PHLPP2: variants seen among roughly 807,000 people sequenced by gnomAD.
The protein encoded by PHLPP2 is PH domain leucine-rich repeat-containing protein phosphatase 2.
PHLPP2 carries 66 observed loss-of-function variants against 124.9 expected under a neutral mutation model. The ratio of observed to expected loss-of-function variants is 0.53; its 90% CI spans 0.43 to 0.65. The LOEUF is 0.65. PHLPP2 is among the 30% of genes least tolerant of loss of function. The pLI, the probability that PHLPP2 is intolerant of heterozygous loss-of-function variation, is 0.00. For missense variants in PHLPP2, 1,685 were observed against 1,600.4 expected (o/e 1.05, Z -0.90); for synonymous variants, 681 against 624.7 (o/e 1.09, Z -1.34).
intron 12 of PHLPP2, among the ~76,000 whole-genome samples, chr16:71,664,707 G>A (rs1194615079): frequency 3.3e-5 from 5 of 152,090 alleles, no homozygotes; most frequent in South Asian, 4.1e-4. Flanking sequence ...AGCCGAGATC[G>A]TGCCACTGCA....
chr16:71,702,292 G>A (rs2045239694), intron 3 of PHLPP2, among the ~76,000 whole-genome samples: 1 of 152,102 alleles, frequency 6.6e-6, no homozygotes, highest in Non-Finnish European at 1.5e-5. Context: ...TTTACCAGGA[G>A]CTTGAAAAAA....
intron 1 of PHLPP2, chr16:71,715,554 C>CT (rs1316767038): frequency 6.6e-6 from 1 of 152,102 alleles, no homozygotes; most frequent in African/African-American, 2.4e-5. Context: ...TGGCACACGC[C>CT]TGTAATCCTA....
At chr16:71,673,910 T>C (rs1207613259) in intron 9 of PHLPP2, among the ~76,000 whole-genome samples, 3 of 152,126 alleles carry the variant, frequency 2.0e-5, no homozygotes, top group Non-Finnish European at 4.4e-5. Flanking sequence ...AAGCTACAAT[T>C]TGAAGCTTCT....
intron 2 of PHLPP2, among the ~76,000 whole-genome samples, chr16:71,710,090 CCTT>C (rs1470687748): frequency 6.6e-6 from 1 of 152,190 alleles, no homozygotes; most frequent in Non-Finnish European, 1.5e-5. Flanking sequence ...CCCAAGCAAT[CCTT>C]CTGCCTTGGC....
In PHLPP2 at chr16:71,653,096, CTTCT is replaced by C. The variant is rs1349351910; in HGVS notation, c.2586-79_2586-76del. 149 of 743,398 alleles carry C rather than the reference CTTCT, an allele frequency of 2.0e-4. 1 individual carries two copies. The Middle Eastern group carries it at 4.6e-3, about 23-fold the overall frequency. 46.1% of individuals were successfully genotyped at this position (743,398 alleles called of 1,614,324 possible). A position where few individuals can be genotyped will look rare whatever the true frequency, so the allele number is the denominator to read the frequency against. ...AAGTGGTGGTCCTGCACGTACATCC[CTTCT>C]TTTTTTTTTTTTTTTTTTTTACCAT... On this transcript the variant is annotated intron_variant, in intron 17 of 18. Transcript: ENST00000568954.
At chr16:71,705,054 G>A (rs1167852817) in intron 2 of PHLPP2, among the ~76,000 whole-genome samples, 2 of 152,178 alleles carry the variant, frequency 1.3e-5, no homozygotes, top group Non-Finnish European at 1.5e-5. Context: ...AGCTAAACAT[G>A]AGGAAGAATT....
rs778954124 is a variant in PHLPP2, at chr16:71,664,082, G to A, written c.1802C>T (p.Ala601Val). The change falls in exon 13 of 19, where the codon GCA (alanine) becomes GTA (valine). Residue 601 changes from alanine (A) to valine (V), a missense_variant. Transcript: ENST00000568954. ...SKALNLRYLN[A>V]SANSLESLPS... is the part of the protein sequence containing the mutation. ...TAAAGACTCCAGACTATTTGCAGAT[G>A]CATTCAAGTATCTGAGACTGACAGA... The A allele has an allele frequency of 2.5e-6, 4 of 1,610,318 alleles. No homozygotes were observed.
Position 71,649,715 on chromosome 16 carries a change from G to A in PHLPP2, c.3147C>T (p.Leu1049=), listed in dbSNP as rs764231210. The part of the protein sequence containing the change: ...GCTCEMNGLT[L]PGPVGFASTT... ...TTGAAGCAAATCCCACAGGACCTGG[G>A]AGGGTGAGCCCATTCATTTCACAAG... The change falls in exon 19 of 19, where the codon CTC becomes CTT. Residue 1049 remains leucine (L), a synonymous_variant. Coordinates refer to ENST00000568954, the MANE Select transcript of PHLPP2 (RefSeq NM_015020.3). The A allele has an allele frequency of 6.2e-7, 1 of 1,614,188 alleles. No homozygotes were observed.
chr16:71,655,503 CTTTTTTT>C, intron 16 of PHLPP2, 69 bp from the exon 17 acceptor site: 5 of 795,564 alleles, frequency 6.3e-6, no homozygotes, highest in Non-Finnish European at 9.5e-6. Context: ...AGGGAGCATT[CTTTTTTT>C]TTTTTTTTTT....
At chr16:71,690,762 A>G in intron 3 of PHLPP2, 53 bp from the exon 4 acceptor site, 2 of 1,241,208 alleles carry the variant, frequency 1.6e-6, no homozygotes, top group East Asian at 2.4e-5. Context: ...GTAAGAATAC[A>G]GAAATGGAAA....
rs577337641 is a variant in PHLPP2 at position 71,649,436 on chromosome 16, C to T, written c.3426G>A (p.Gln1142=). 1 of 1,614,112 alleles carries T rather than the reference C, an allele frequency of 6.2e-7. No individual in the cohort carries two copies. Among genetic ancestry groups the T allele is most frequent in the South Asian group, 1.1e-5 (1 of 91,084 alleles). ...CATCACTGTCCAGGCCGTTGTCAGA[C>T]TGGTTACTGGAGAAGGTAGCAGAAG... ...QPSSATFSSN[Q]SDNGLDSDDD... is the part of the protein sequence containing the mutation. The change falls in exon 19 of 19, where the codon CAG becomes CAA. Residue 1142 remains glutamine (Q), a synonymous_variant. Transcript: ENST00000568954.
chr16:71,707,506 G>A (rs1567628514), intron 2 of PHLPP2, among the ~76,000 whole-genome samples: 1 of 152,164 alleles, frequency 6.6e-6, no homozygotes, highest in Non-Finnish European at 1.5e-5. Context: ...ACCCTGACCT[G>A]GGTGGGGAAG....
At chr16:71,680,133 G>A (rs1205903559) in intron 6 of PHLPP2, among the ~76,000 whole-genome samples, 1 of 151,818 alleles carries the variant, frequency 6.6e-6, no homozygotes, top group East Asian at 1.9e-4. Flanking sequence ...GCTCTTGCTG[G>A]TACAATTCTT....
rs1362316983 is a variant in PHLPP2 at position 71,652,811 on chromosome 16, G to C, written c.2796C>G (p.Asp932Glu). 1 of 1,613,800 alleles carries C rather than the reference G, an allele frequency of 6.2e-7. No homozygotes were observed. Among genetic ancestry groups the C allele is most frequent in the Non-Finnish European group, 8.5e-7 (1 of 1,179,730 alleles). The change falls in exon 18 of 19, where the codon GAC becomes GAG. Residue 932 changes from aspartate (D) to glutamate (E), a missense_variant. Asp to Glu is a conservative substitution (Grantham distance 45). Coordinates refer to ENST00000568954, the MANE Select transcript of PHLPP2 (RefSeq NM_015020.3). ...QDPEEAQRVK[D>E]QKAIITEDNK... ...ACACCTCTGTGATGATGGCTTTTTG[G>C]TCCTTCACCCTTTGAGCCTCCTCTG...
chr16:71,665,687 G>A (rs1377654953), intron 12 of PHLPP2, among the ~76,000 whole-genome samples: 2 of 152,164 alleles, frequency 1.3e-5, no homozygotes, highest in South Asian at 2.1e-4. Context: ...AAATACCACT[G>A]ACAGTTCGCT....
chr16:71,706,438 A>C (rs1037483503), intron 2 of PHLPP2, among the ~76,000 whole-genome samples: 3 of 152,244 alleles, frequency 2.0e-5, no homozygotes, highest in Non-Finnish European at 2.9e-5. Context: ...TGGGGTGGCC[A>C]AACTATACAC....
Position 71,678,940 on chromosome 16 carries a change from A to C in PHLPP2, c.1083T>G (p.Pro361=). ...GCTGTTGTAGATTTCCCAATTCTTCAGGTAAAGTAGTCAGAAAGTTGCCAT... is the reference window on the plus strand; with the variant it reads ...GCTGTTGTAGATTTCCCAATTCTTCCGGTAAAGTAGTCAGAAAGTTGCCAT... ...CLDGNFLTTL[P]EELGNLQQLS... Residue 361 remains proline (P), a synonymous_variant, in exon 8 of 19, where the codon CCT becomes CCG. Transcript: ENST00000568954. The C allele has an allele frequency of 6.2e-7, 1 of 1,612,732 alleles. No individual in the cohort carries two copies. The highest frequency in any genetic ancestry group is 8.5e-7 in the Non-Finnish European group (1 of 1,178,924).
rs1482437651 is a variant in PHLPP2, at chr16:71,676,813, A to G, written c.1269-164T>C. 4 of 592,786 alleles carry G rather than the reference A, an allele frequency of 6.7e-6. No individual in the cohort carries two copies. The East Asian group carries it at 1.2e-4, about 17-fold the overall frequency. The allele number at this position is 592,786 out of a possible 1,614,324, so 36.7% of individuals were successfully genotyped here. A position where few individuals can be genotyped will look rare whatever the true frequency, so the allele number is the denominator to read the frequency against. On this transcript the variant is annotated intron_variant, in intron 8 of 18. Transcript: ENST00000568954. ...GCGCAGGCTGGAGTGCAATGGCGTG[A>G]TCTCGGTTCACTGCAACCTCTGCCT...
chr16:71,655,519 T>TTGAGAGGGAG, intron 16 of PHLPP2, 85 bp from the exon 17 acceptor site: 1 of 972,706 alleles, frequency 1.0e-6, no homozygotes, highest in African/African-American at 1.6e-5. Context: ...TTTTTTTTTT[T>TTGAGAGGGAG]TGAGAGGGAG....
Sources: allele counts gnomAD v4.1 joint callset (sites outside exome capture counted in the v4.1 genomes callset), GRCh38; gene constraint gnomAD v4.1.1; transcripts MANE v1.5; gene names NCBI Gene and HGNC (gene_info 2026-07-23, HGNC 2026-07-21).